POLA1: variants seen among roughly 807,000 people sequenced by gnomAD.
POLA1 encodes the protein DNA polymerase alpha catalytic subunit.
Under a neutral mutation model 124.0 loss-of-function variants are expected in POLA1, and 15 were observed. The ratio of observed to expected loss-of-function variants is 0.12; its 90% CI spans 0.08 to 0.19. The LOEUF (loss-of-function observed/expected upper bound fraction) is 0.19, where lower values mean the gene tolerates loss of function less well. POLA1 is among the 10% of genes least tolerant of loss of function. The pLI, the probability that POLA1 is intolerant of heterozygous loss-of-function variation, is 1.00. For synonymous variants in POLA1, 408 were observed against 389.4 expected, an observed-to-expected ratio of 1.05 and a Z score of -0.56; for missense variants, 886 against 1,103.4, an observed-to-expected ratio of 0.80 and a Z score of 2.79.
intron 4 of POLA1, among the ~76,000 whole-genome samples, chrX:24,714,278 C>T (rs948472321): frequency 6.3e-5 from 7 of 111,713 alleles, no homozygotes; most frequent in Non-Finnish European, 1.1e-4. Context: ...CTGCCTCAGC[C>T]TCTGGAGTAG....
chrX:24,931,595 A>G (rs1254920558), intron 36 of POLA1, among the ~76,000 whole-genome samples: 2 of 112,187 alleles, frequency 1.8e-5, no homozygotes, highest in Non-Finnish European at 3.8e-5. Flanking sequence ...TTATCTCTAG[A>G]TGTTCAACAA....
intron 33 of POLA1, among the ~76,000 whole-genome samples, chrX:24,843,006 A>AT (rs2046429405): frequency 9.0e-6 from 1 of 111,566 alleles, no homozygotes; most frequent in Admixed American, 9.5e-5. Flanking sequence ...AATACACTTC[A>AT]TTTTTTGGAA....
intron 35 of POLA1, among the ~76,000 whole-genome samples, chrX:24,921,892 T>TTGTGTGTGTGTGTGTGTGTGTGTG (rs755172411): frequency 4.1e-4 from 43 of 105,731 alleles, no homozygotes; most frequent in African/African-American, 1.5e-3. Flanking sequence ...GTTTTGCCTT[T>TTGTGTGTGTGTGTGTGTGTGTGTG]TGTGTGTGTG....
chrX:24,839,557 A>G (rs1445983826), intron 32 of POLA1, among the ~76,000 whole-genome samples: 1 of 111,907 alleles, frequency 8.9e-6, no homozygotes, highest in African/African-American at 3.2e-5. Context: ...TTGCAGGTTC[A>G]TGCACTCAGG....
At chrX:24,804,408 C>T (rs2045766687) in intron 26 of POLA1, among the ~76,000 whole-genome samples, 1 of 111,340 alleles carries the variant, frequency 9.0e-6, no homozygotes, top group African/African-American at 3.3e-5. Flanking sequence ...TCTTTCCTAG[C>T]CTTCAAAACC....
At chrX:24,728,560 AACTC>A (rs1930689467) in intron 15 of POLA1, among the ~76,000 whole-genome samples, 4 of 111,929 alleles carry the variant, frequency 3.6e-5, no homozygotes, top group Non-Finnish European at 7.5e-5. Context: ...AAACAGGAAG[AACTC>A]ACTCCTACTC....
chrX:24,719,691 T>A (rs894550353), intron 10 of POLA1, among the ~76,000 whole-genome samples: 3 of 111,788 alleles, frequency 2.7e-5, no homozygotes. Flanking sequence ...CTCCCCGTAC[T>A]TTGCTGCATC....
chrX:24,814,947 TC>T, intron 29 of POLA1, 31 bp from the exon 30 acceptor site: 1 of 1,123,008 alleles, frequency 8.9e-7, no homozygotes, highest in Admixed American at 2.9e-5. Context: ...TCAACTGCTG[TC>T]TTTGTTTTGT....
Position 24,715,198 on chromosome X carries a change from A to G in POLA1, c.520A>G (p.Thr174Ala), listed in dbSNP as rs779569608. The change falls in exon 6 of 37, where the codon ACT (threonine) becomes GCT (alanine). Residue 174 changes from threonine (T) to alanine (A), a missense_variant. Physicochemically the swap from Thr to Ala is moderately conservative, Grantham distance 58. Around this residue, in one of 7 missense-constraint regions of POLA1, gnomAD observed 337 missense variants for 402.8 expected, o/e 0.84. Coordinates refer to ENST00000379068, the MANE Select transcript of POLA1 (RefSeq NM_001330360.2). The part of the protein sequence containing the change: ...LLGDILQDLN[T>A]ETPQITPPPV... The stretch of plus-strand genomic sequence containing the variant: ...AGGTGACATTCTACAGGATCTTAAC[A>G]CTGAGGTAAATGAATCTCCAGGAGT... 1.1e-5 allele frequency: 12 copies of G among 1,124,091 alleles called. No homozygotes were observed. The highest frequency in any genetic ancestry group is 2.2e-5 in the Admixed American group (1 of 45,919). 92.6% of individuals were successfully genotyped at this position (1,124,091 alleles called of 1,213,427 possible). A position where few individuals can be genotyped will look rare whatever the true frequency, so the allele number is the denominator to read the frequency against.
rs968493568 is a variant in POLA1 at position 24,935,342 on chromosome X, G to A, written c.4261+4793G>A. Among the ~76,000 whole-genome samples, 6 of 112,742 alleles carry A rather than the reference G, an allele frequency of 5.3e-5. No individual in the cohort carries two copies. In the Admixed American group the frequency reaches 5.6e-4, roughly 10 times the overall value. ...GAACACTGCCGGAATTGGAACACTA[G>A]GATGTAGAATTCTGTTGAAGACAGA... On this transcript the variant is annotated intron_variant, in intron 36 of 36. Coordinates refer to ENST00000379068, the MANE Select transcript of POLA1 (RefSeq NM_001330360.2).
intron 35 of POLA1, among the ~76,000 whole-genome samples, chrX:24,910,805 C>T (rs765961577): frequency 8.1e-5 from 9 of 111,761 alleles, no homozygotes; most frequent in South Asian, 3.8e-4. Flanking sequence ...AATTATACTT[C>T]GCAAGCGTGA....
At chrX:24,734,634 T>A (rs1440813319) in intron 17 of POLA1, among the ~76,000 whole-genome samples, 1 of 111,532 alleles carries the variant, frequency 9.0e-6, no homozygotes, top group East Asian at 2.8e-4. Context: ...ACTTTTTTTT[T>A]GAGACGGAGT....
intron 26 of POLA1, among the ~76,000 whole-genome samples, chrX:24,797,604 C>T (rs977398458): frequency 8.9e-6 from 1 of 112,287 alleles, no homozygotes; most frequent in Admixed American, 9.4e-5. Flanking sequence ...GTTGTGTTCC[C>T]TATGACCTAC....
intron 36 of POLA1, among the ~76,000 whole-genome samples, chrX:24,931,984 C>T (rs1311988944): frequency 3.6e-5 from 4 of 111,928 alleles, no homozygotes; most frequent in Non-Finnish European, 7.5e-5. Flanking sequence ...CTGCAGCCTC[C>T]GCCTTCTGGG....
chrX:24,740,701 T>C (rs1256319776), intron 20 of POLA1, among the ~76,000 whole-genome samples: 2 of 111,451 alleles, frequency 1.8e-5, no homozygotes. Flanking sequence ...CCTGGAACTG[T>C]CAGATTTGCA....
chrX:24,826,591 A>G lies in POLA1; in HGVS notation c.3726A>G (p.Ala1242=). 1 of 1,194,440 alleles carries G rather than the reference A, an allele frequency of 8.4e-7. No homozygotes were observed. The highest frequency in any genetic ancestry group is 1.1e-6 in the Non-Finnish European group (1 of 884,406). Residue 1242 remains alanine (A), a synonymous_variant, in exon 32 of 37, where the codon GCA becomes GCG. Transcript: ENST00000379068. ...ACGGAATTGATGCTGTCCTCATTGC[A>G]ACGTGGTTGGGTAAGTGTCCCAAGC... ...PIDGIDAVLI[A]TWLGLDPTQF...
chrX:24,872,241 TAAAATCAGTGCTA>T (rs1426652679), intron 34 of POLA1, among the ~76,000 whole-genome samples: 2 of 111,697 alleles, frequency 1.8e-5, no homozygotes, highest in African/African-American at 3.3e-5. Context: ...TTACTAGTTA[TAAAATCAGTGCTA>T]AAAATCAGTA....
intron 32 of POLA1, among the ~76,000 whole-genome samples, chrX:24,832,949 A>C (rs2046286974): frequency 1.8e-5 from 2 of 111,591 alleles, no homozygotes; most frequent in East Asian, 5.6e-4. Flanking sequence ...GGGAACGGTT[A>C]GTGTTTGGTT....
chrX:24,817,885 G>A (rs931120424), intron 30 of POLA1, among the ~76,000 whole-genome samples: 1 of 108,948 alleles, frequency 9.2e-6, no homozygotes, highest in Non-Finnish European at 1.9e-5. Flanking sequence ...AAGGAGAGTG[G>A]AATGGAAGAG....
Sources: gnomAD v4.1 joint callset for allele counts (sites outside exome capture counted in the v4.1 genomes callset) on GRCh38, gnomAD v4.1.1 for gene constraint, gnomAD v4.1.1 regional missense constraint, MANE v1.5 for transcripts, NCBI Gene and HGNC (gene_info 2026-07-23, HGNC 2026-07-21) for gene names.